The following LRIG2 variants were observed in gnomAD, a reference collection of about 807,000 sequenced individuals.
LRIG2 encodes the protein leucine rich repeats and immunoglobulin like domains 2.
In LRIG2, 93 loss-of-function variants were observed where a neutral mutation model predicts 107.8. The ratio of observed to expected loss-of-function variants is 0.86; its 90% CI spans 0.73 to 1.03. The LOEUF is 1.03. Among genes scored for constraint, LRIG2 ranks in the 50% least tolerant of loss-of-function variants. LRIG2 has a pLI of 0.00. For missense variants in LRIG2, 1,226 were observed against 1,296.0 expected, an observed-to-expected ratio of 0.95 and a Z score of 0.83; for synonymous variants, 471 against 470.6, an observed-to-expected ratio of 1.00 and a Z score of -0.01.
chr1:113,108,951 G>A (rs1654655250), intron 12 of LRIG2, among the ~76,000 whole-genome samples: 1 of 152,256 alleles, frequency 6.6e-6, no homozygotes, highest in South Asian at 2.1e-4. Flanking sequence ...TTAGATCAGT[G>A]TATCTATGTT....
At position 113,122,075 on chromosome 1, in the gene LRIG2, CTTTT is replaced by C. The variant is rs758568453; in HGVS notation, c.2972-1780_2972-1777del. Among the ~76,000 whole-genome samples the C allele has an allele frequency of 9.2e-5, 8 of 87,082 alleles. No individual in the cohort carries two copies. The Admixed American group carries it at 1.2e-3, about 13-fold the overall frequency. The allele number at this position is 87,082 out of a possible 152,430, so 57.1% of individuals were successfully genotyped here. Reference sequence around the variant, plus strand: ...CTGCAAGTATCTGAGTTAGGCTCACCTTTTTTTTTTTTTTTTTTTTTTTGAGATA... The same window carrying C: ...CTGCAAGTATCTGAGTTAGGCTCACCTTTTTTTTTTTTTTTTTTTGAGATA... On this transcript the variant is annotated intron_variant, in intron 17 of 17. Coordinates refer to ENST00000361127, the MANE Select transcript of LRIG2 (RefSeq NM_014813.3).
At chr1:113,109,721 G>A (rs568603632) in intron 12 of LRIG2, among the ~76,000 whole-genome samples, 1 of 152,082 alleles carries the variant, frequency 6.6e-6, no homozygotes, top group Non-Finnish European at 1.5e-5. Context: ...GTTTCGCCGT[G>A]TTGGTCAGGC....
intron 1 of LRIG2, among the ~76,000 whole-genome samples, chr1:113,082,571 C>T (rs1297198839): frequency 6.6e-6 from 1 of 152,322 alleles, no homozygotes; most frequent in Middle Eastern, 3.4e-3. Flanking sequence ...AGGCAATTCA[C>T]ATGGCAAAAG....
intron 1 of LRIG2, among the ~76,000 whole-genome samples, chr1:113,074,988 C>T (rs1476297667): frequency 1.3e-5 from 2 of 151,788 alleles, no homozygotes; most frequent in African/African-American, 2.4e-5. Flanking sequence ...GAGGCTGAGG[C>T]GGGCTGATCA....
rs764111494 is a variant in LRIG2, at chr1:113,094,408, A to G, written c.585A>G (p.Leu195=). Residue 195 remains leucine (L), a synonymous_variant, in exon 5 of 18, where the codon TTA becomes TTG. Transcript: ENST00000361127. ...TCGATAATTTATCAAGTTCCTTATT[A>G]GTGGTAAAGTTAAACCGTAACCGAA... The part of the protein sequence containing the change: ...GCFDNLSSSL[L]VVKLNRNRMS... 1.9e-6 allele frequency: 3 copies of G among 1,613,306 alleles called. No homozygotes were observed. The highest frequency in any genetic ancestry group is 8.5e-7 in the Non-Finnish European group (1 of 1,179,650).
intron 1 of LRIG2, among the ~76,000 whole-genome samples, chr1:113,089,586 T>A (rs1766865): frequency 0.018 from 2,666 of 152,012 alleles, 94 homozygotes; most frequent in African/African-American, 0.061. Flanking sequence ...AGAATGCCTG[T>A]CTGCCTTTAT....
Position 113,112,821 on chromosome 1 carries a change from CTTAATGAG to C in LRIG2, c.2080+62_2080+69del, listed in dbSNP as rs1287012567. ...GGAGTCTTTGGGAGCTACTCTTGGT[CTTAATGAG>C]CAAGAAAAATAAGTTTGAGATTACC... On this transcript the variant is annotated intron_variant, in intron 14 of 17. Coordinates refer to ENST00000361127, the MANE Select transcript of LRIG2 (RefSeq NM_014813.3). 36 of 1,461,582 alleles carry C rather than the reference CTTAATGAG, an allele frequency of 2.5e-5. No individual in the cohort carries two copies. The African/African-American group carries it at 4.5e-4, about 18-fold the overall frequency. 90.5% of individuals were successfully genotyped at this position (1,461,582 alleles called of 1,614,324 possible).
At chr1:113,123,727 T>TTTTG (rs1437564600) in intron 17 of LRIG2, 148 bp from the exon 18 acceptor site, 614 of 596,976 alleles carry the variant, frequency 1.0e-3, no homozygotes, top group South Asian at 1.4e-3. Context: ...GTGGTGGTTT[T>TTTTG]TGTGTGTGTG....
intron 12 of LRIG2, 55 bp downstream of exon 12, chr1:113,107,812 A>T (rs1654602351): frequency 7.0e-7 from 1 of 1,437,394 alleles, no homozygotes; most frequent in Non-Finnish European, 9.4e-7. Context: ...TCTTAACAGA[A>T]TTAAAAAAAT....
In LRIG2 at chr1:113,124,140, A is replaced by C. The variant is rs915029036; in HGVS notation, c.*39A>C. On this transcript the variant is annotated 3_prime_UTR_variant, in exon 18 of 18. Coordinates refer to ENST00000361127, the MANE Select transcript of LRIG2 (RefSeq NM_014813.3). ...ATGAAATCTGGGCAGAGACTTATTA[A>C]TTAATTTTGCATTTACTACCTCAGA... 1 of 1,578,836 alleles carries C rather than the reference A, an allele frequency of 6.3e-7. No individual in the cohort carries two copies. The highest frequency in any genetic ancestry group is 8.7e-7 in the Non-Finnish European group (1 of 1,149,830).
chr1:113,088,978 A>G (rs1404826429), intron 1 of LRIG2, among the ~76,000 whole-genome samples: 2 of 152,224 alleles, frequency 1.3e-5, no homozygotes, highest in East Asian at 1.9e-4. Flanking sequence ...TGTGCCAGAC[A>G]TCTTGGAATA....
intron 11 of LRIG2, among the ~76,000 whole-genome samples, chr1:113,101,414 A>G (rs1654305990): frequency 6.6e-6 from 1 of 152,232 alleles, no homozygotes; most frequent in Admixed American, 6.5e-5. Flanking sequence ...GTCAGGGGTA[A>G]GAACCACTAG....
At position 113,126,079 on chromosome 1, in the gene LRIG2, T is replaced by A. The variant is rs1655474434; in HGVS notation, c.*1978T>A. 6.6e-6 allele frequency: 1 copy of A among 152,140 alleles called. No homozygotes were observed. The highest frequency in any genetic ancestry group is 1.5e-5 in the Non-Finnish European group (1 of 68,024). The allele number at this position is 152,140 out of a possible 1,614,324, so 9.4% of individuals were successfully genotyped here. A position where few individuals can be genotyped will look rare whatever the true frequency, so the allele number is the denominator to read the frequency against. ...ATTTCTCAGTCTCAGTGCCCCAGAT[T>A]CACCATTTCTGATTGTGTCTGGAGA... On this transcript the variant is annotated 3_prime_UTR_variant, in exon 18 of 18. Coordinates refer to ENST00000361127, the MANE Select transcript of LRIG2 (RefSeq NM_014813.3).
intron 8 of LRIG2, among the ~76,000 whole-genome samples, chr1:113,097,011 A>G (rs1356217011): frequency 3.9e-5 from 6 of 152,130 alleles, no homozygotes; most frequent in Non-Finnish European, 7.4e-5. Flanking sequence ...CAGAAGAACA[A>G]AATCACTTAG....
At chr1:113,112,250 G>A (rs959170781) in intron 13 of LRIG2, among the ~76,000 whole-genome samples, 66 of 152,200 alleles carry the variant, frequency 4.3e-4, no homozygotes, top group African/African-American at 1.5e-3. Flanking sequence ...CTATGATTGC[G>A]CCAGTGTACT....
chr1:113,082,736 CT>C (rs1227450089), intron 1 of LRIG2, among the ~76,000 whole-genome samples: 1 of 152,162 alleles, frequency 6.6e-6, no homozygotes, highest in Non-Finnish European at 1.5e-5. Flanking sequence ...TCACTGCAAC[CT>C]CCACCTCCCA....
In LRIG2 at chr1:113,098,789, T is replaced by C. The variant is rs1248114816; in HGVS notation, c.1172+4T>C. 5 of 1,557,552 alleles carry C rather than the reference T, an allele frequency of 3.2e-6. No individual in the cohort carries two copies. The highest frequency in any genetic ancestry group is 1.1e-5 in the South Asian group (1 of 89,942). On this transcript the variant is annotated splice_donor_region_variant and intron_variant, in intron 9 of 17. Transcript: ENST00000361127. The stretch of plus-strand genomic sequence containing the variant: ...GACTCACAAGTCTCACTAAACTGTA[T>C]GTATTATAATATTTATGTATGTCTA...
In LRIG2 at chr1:113,098,766, C is replaced by T. The variant is rs1302564036; in HGVS notation, c.1153C>T (p.Leu385Phe). The change falls in exon 9 of 18, where the codon CTC becomes TTC. Residue 385 changes from leucine (L) to phenylalanine (F), a missense_variant. By Grantham distance (22) the Leu-to-Phe change is conservative (BLOSUM62 0). Transcript: ENST00000361127. ...AGATGCTAGTGAAGCCTTTGCTGGACTCACAAGTCTCACTAAACTGTATGT... is the reference window on the plus strand; with the variant it reads ...AGATGCTAGTGAAGCCTTTGCTGGATTCACAAGTCTCACTAAACTGTATGT... ...IEDASEAFAG[L>F]TSLTKLILQG... 3 of 1,605,440 alleles carry T rather than the reference C, an allele frequency of 1.9e-6. No individual in the cohort carries two copies. The highest frequency in any genetic ancestry group is 2.6e-6 in the Non-Finnish European group (3 of 1,172,258).
intron 1 of LRIG2, among the ~76,000 whole-genome samples, chr1:113,077,533 G>C (rs747084154): frequency 3.9e-5 from 6 of 152,064 alleles, no homozygotes; most frequent in African/African-American, 1.2e-4. Flanking sequence ...GTTACCTATA[G>C]TTTTTTAGTT....
Sources: gnomAD v4.1 joint callset for allele counts (sites outside exome capture counted in the v4.1 genomes callset) on GRCh38, gnomAD v4.1.1 for gene constraint, MANE v1.5 for transcripts, NCBI Gene and HGNC (gene_info 2026-07-23, HGNC 2026-07-21) for gene names.